SLC7A10: variants seen among roughly 807,000 people sequenced by gnomAD.
The protein encoded by SLC7A10 is asc-type amino acid transporter 1.
In SLC7A10, 30 loss-of-function variants were observed where a neutral mutation model predicts 52.7. The ratio of observed to expected loss-of-function variants is 0.57; its 90% CI spans 0.43 to 0.77. The LOEUF is 0.77. Among genes scored for constraint, SLC7A10 ranks in the 30% least tolerant of loss-of-function variants. SLC7A10 has a pLI of 0.00. For synonymous variants in SLC7A10, 318 were observed against 314.9 expected (o/e 1.01, Z -0.10); for missense variants, 581 against 698.5 (o/e 0.83, Z 1.90).
intron 1 of SLC7A10, among the ~76,000 whole-genome samples, chr19:33,217,266 C>T (rs1599954166): frequency 6.6e-6 from 1 of 152,126 alleles, no homozygotes. Flanking sequence ...CCCACTTCGG[C>T]CTCCCGAAGT....
chr19:33,209,386 T>A lies in SLC7A10; in HGVS notation c.1363A>T (p.Ile455Phe), dbSNP rs1212253243. 1.2e-6 allele frequency: 2 copies of A among 1,614,038 alleles called. No homozygotes were observed. The highest frequency in any genetic ancestry group is 1.7e-6 in the Non-Finnish European group (2 of 1,180,016). Residue 455 changes from isoleucine to phenylalanine, a missense_variant, in exon 10 of 11, where the codon ATC (isoleucine) becomes TTC (phenylalanine). Coordinates refer to ENST00000253188, the MANE Select transcript of SLC7A10 (RefSeq NM_019849.3). ...AAAATGGGCACCCCCGTAAGGATGA[T>A]GATGACGCCGACCCCACAGACCATA... ...EPMVCGVGVI[I>F]ILTGVPIFFL...
intron 10 of SLC7A10, 108 bp downstream of exon 10, chr19:33,209,200 C>T (rs1974481008): frequency 2.6e-6 from 4 of 1,540,700 alleles, no homozygotes; most frequent in Non-Finnish European, 3.5e-6. Context: ...CCCTGTGTTC[C>T]CACCTCAGCT....
chr19:33,215,563 TC>T (rs1361575820), intron 2 of SLC7A10, among the ~76,000 whole-genome samples: 2 of 128,106 alleles, frequency 1.6e-5, no homozygotes, highest in African/African-American at 5.8e-5. Context: ...ACCTGCCCTG[TC>T]CTCAGAAGGC....
chr19:33,212,381 G>C lies in SLC7A10; in HGVS notation c.699C>G (p.His233Gln). ...FAFWMTPSVGHLALAFLQGSF... is the reference protein window; with the variant it reads ...FAFWMTPSVGQLALAFLQGSF... ...AGCCCTGGAGGAAGGCCAGGGCCAG[G>C]TGTCCCACGGAGGGCGTCATCCAGA... Residue 233 changes from histidine (H) to glutamine (Q), a missense_variant, in exon 5 of 11, where the codon CAC becomes CAG. His to Gln is a conservative substitution (Grantham distance 24, BLOSUM62 0). Coordinates refer to ENST00000253188, the MANE Select transcript of SLC7A10 (RefSeq NM_019849.3). 6.2e-7 allele frequency: 1 copy of C among 1,613,886 alleles called. No individual in the cohort carries two copies. The highest frequency in any genetic ancestry group is 8.5e-7 in the Non-Finnish European group (1 of 1,180,040).
In SLC7A10 at chr19:33,210,787, G is replaced by A. The variant is rs749125750; in HGVS notation, c.1113+15C>T. 1.2e-6 allele frequency: 2 copies of A among 1,613,056 alleles called. No homozygotes were observed. Among genetic ancestry groups the A allele is most frequent in the South Asian group, 1.1e-5 (1 of 91,076 alleles). On this transcript the variant is annotated intron_variant, in intron 8 of 10. Coordinates refer to ENST00000253188, the MANE Select transcript of SLC7A10 (RefSeq NM_019849.3). The surrounding 1 kb of genome is among the most constrained non-coding windows in gnomAD (Gnocchi z 5.6). ...CTGCCTCCACGCCCTGCCTGGCCCAGGTCCCCCAACTTACACAGACGAGGA... is the reference window on the plus strand; with the variant it reads ...CTGCCTCCACGCCCTGCCTGGCCCAAGTCCCCCAACTTACACAGACGAGGA...
intron 5 of SLC7A10, chr19:33,211,775 A>C: frequency 1.6e-6 from 1 of 633,596 alleles, no homozygotes; most frequent in Non-Finnish European, 2.7e-6. Flanking sequence ...TCACATCCTG[A>C]GGACAGGGTC....
intron 1 of SLC7A10, 112 bp from the exon 2 acceptor site, chr19:33,216,085 G>T: frequency 1.1e-6 from 1 of 930,718 alleles, no homozygotes; most frequent in South Asian, 1.8e-5. Context: ...GTGCTTCCCG[G>T]AGGAGGAGGA....
At position 33,218,678 on chromosome 19, in the gene SLC7A10, TTTC is replaced by T. The variant is rs1387911928; in HGVS notation, c.152-2708_152-2706del. Among the ~76,000 whole-genome samples, 411 of 67,294 alleles carry T rather than the reference TTTC, an allele frequency of 6.1e-3. 7 individuals carry two copies. The highest frequency in any genetic ancestry group is 0.019 in the African/African-American group (394 of 20,642). The allele number at this position is 67,294 out of a possible 152,430, so 44.1% of individuals were successfully genotyped here. ...ACCGGTGGATTTCTTTCTTTCTTTC[TTTC>T]TTTTTTTTTTTTTTTTAGTAGAGAT... On this transcript the variant is annotated intron_variant, in intron 1 of 10. Transcript: ENST00000253188.
At chr19:33,225,487 C>T in intron 1 of SLC7A10, 66 bp downstream of exon 1, 2 of 1,572,012 alleles carry the variant, frequency 1.3e-6, no homozygotes, top group Non-Finnish European at 8.6e-7. Flanking sequence ...GGACGCCCCT[C>T]GTTCGGAGCG....
chr19:33,215,730 A>C (rs1974663631), intron 2 of SLC7A10, 39 bp downstream of exon 2: 45 of 1,540,748 alleles, frequency 2.9e-5, no homozygotes, highest in Non-Finnish European at 3.9e-5. Flanking sequence ...TCCCATTCCC[A>C]AGAGGGTGTC....
At chr19:33,219,012 G>A (rs896753195) in intron 1 of SLC7A10, among the ~76,000 whole-genome samples, 5 of 152,016 alleles carry the variant, frequency 3.3e-5, no homozygotes, top group African/African-American at 9.7e-5. Flanking sequence ...GGATGAGGGG[G>A]CACGGGATGG....
At chr19:33,221,441 C>T (rs758142166) in intron 1 of SLC7A10, among the ~76,000 whole-genome samples, 2 of 152,152 alleles carry the variant, frequency 1.3e-5, no homozygotes, top group Non-Finnish European at 2.9e-5. Context: ...GACAGGTCCC[C>T]GAAATTATAG....
At chr19:33,219,719 T>G (rs1161743742) in intron 1 of SLC7A10, among the ~76,000 whole-genome samples, 2 of 152,208 alleles carry the variant, frequency 1.3e-5, no homozygotes, top group Non-Finnish European at 2.9e-5. Context: ...AGGGAACATG[T>G]CCCTCACTGT....
chr19:33,225,010 T>C (rs1974891918), intron 1 of SLC7A10, among the ~76,000 whole-genome samples: 1 of 152,244 alleles, frequency 6.6e-6, no homozygotes, highest in Non-Finnish European at 1.5e-5. Context: ...TTGCCTGCTC[T>C]GAACCTCCGT....
chr19:33,212,085 G>A (rs933749210), intron 5 of SLC7A10: 50 of 664,262 alleles, frequency 7.5e-5, no homozygotes, highest in Non-Finnish European at 6.9e-5. Context: ...GCAAGGGGCT[G>A]TGACGTGTCC....
intron 1 of SLC7A10, chr19:33,219,957 C>T (rs180781446): frequency 6.6e-6 from 1 of 152,396 alleles, no homozygotes; most frequent in East Asian, 1.9e-4. Flanking sequence ...GCACTGCCAT[C>T]TGCCTTGGAG....
At position 33,209,966 on chromosome 19, in the gene SLC7A10, G is replaced by C. The variant is rs1359941909; in HGVS notation, c.1264-481C>G. ...TAATTTTTTTTTTTTTTTGAGACAG[G>C]GTCTCCCTCTGTCACCCAGGTTGGA... On this transcript the variant is annotated intron_variant, in intron 9 of 10. Coordinates refer to ENST00000253188, the MANE Select transcript of SLC7A10 (RefSeq NM_019849.3). 4.7e-5 allele frequency among the ~76,000 whole-genome samples: 7 copies of C among 149,664 alleles called. No homozygotes were observed. In the South Asian group the frequency reaches 1.1e-3, roughly 23 times the overall value.
rs1013563834 is a variant in SLC7A10 at position 33,224,669 on chromosome 19, C to T, written c.151+884G>A. On this transcript the variant is annotated intron_variant, in intron 1 of 10. Coordinates refer to ENST00000253188, the MANE Select transcript of SLC7A10 (RefSeq NM_019849.3). ...CCCCAAACCACTTCTCCTGTCCCTC[C>T]CTGGAGGGGCTCAGAGGCACTCTGT... Among the ~76,000 whole-genome samples, 5 of 152,302 alleles carry T rather than the reference C, an allele frequency of 3.3e-5. No individual in the cohort carries two copies. In the South Asian group the frequency reaches 1.0e-3, roughly 32 times the overall value.
At chr19:33,218,688 T>TCTTTCTTTCTTTCTTTCTTTCTTTCTTTC (rs1568394290) in intron 1 of SLC7A10, among the ~76,000 whole-genome samples, 7 of 38,184 alleles carry the variant, frequency 1.8e-4, no homozygotes, top group African/African-American at 4.5e-4. Context: ...TTTCTTTTTT[T>TCTTTCTTTCTTTCTTTCTTTCTTTCTTTC]TTTTTTTTTA....
Sources: allele counts gnomAD v4.1 joint callset (sites outside exome capture counted in the v4.1 genomes callset), GRCh38; gene constraint gnomAD v4.1.1; non-coding constraint Gnocchi (gnomAD v3.1); transcripts MANE v1.5; gene names NCBI Gene and HGNC (gene_info 2026-07-23, HGNC 2026-07-21).